Variants in SUZ12 observed in about 807,000 individuals in gnomAD.
SUZ12 encodes SUZ12 polycomb repressive complex 2 subunit.
A neutral mutation model predicts 87.3 loss-of-function variants in SUZ12; 17 were observed. The observed-to-expected ratio is 0.19, with a 90% CI of 0.13 to 0.29. The LOEUF (loss-of-function observed/expected upper bound fraction) is 0.29, where lower values mean the gene tolerates loss of function less well. SUZ12 is among the 10% of genes least tolerant of loss of function. The pLI is 1.00. For missense variants in SUZ12, 526 were observed against 912.2 expected, an observed-to-expected ratio of 0.58 and a Z score of 5.45; for synonymous variants, 253 against 312.4, an observed-to-expected ratio of 0.81 and a Z score of 2.01.
intron 8 of SUZ12, among the ~76,000 whole-genome samples, chr17:31,980,891 G>C (rs1381724240): frequency 3.3e-5 from 5 of 152,090 alleles, no homozygotes; most frequent in Non-Finnish European, 7.3e-5. Flanking sequence ...AGAGGGCTGA[G>C]TGCAGTGGCT....
chr17:31,981,149 A>G (rs77499034), intron 8 of SUZ12, among the ~76,000 whole-genome samples: 1 of 152,224 alleles, frequency 6.6e-6, no homozygotes, highest in Non-Finnish European at 1.5e-5. Flanking sequence ...AAAACAAAAA[A>G]GCCACCATAA....
chr17:31,976,476 T>A, intron 7 of SUZ12, 45 bp from the exon 8 acceptor site: 3 of 1,498,274 alleles, frequency 2.0e-6, no homozygotes, highest in Non-Finnish European at 2.8e-6. Flanking sequence ...CATAACACAT[T>A]TTTGTTCTAA....
chr17:31,950,266 C>T (rs142858976), intron 4 of SUZ12, among the ~76,000 whole-genome samples: 15,106 of 152,166 alleles, frequency 0.099, 1,034 homozygotes, highest in Middle Eastern at 0.15. Flanking sequence ...TTTCTTATTT[C>T]AAATTAAGGT....
At chr17:31,940,877 G>A (rs1232425253) in intron 3 of SUZ12, among the ~76,000 whole-genome samples, 3 of 151,850 alleles carry the variant, frequency 2.0e-5, no homozygotes, top group Non-Finnish European at 2.9e-5. Context: ...GGGCGTGGTG[G>A]TGTGTGCCTG....
intron 4 of SUZ12, among the ~76,000 whole-genome samples, chr17:31,952,570 G>C (rs1007171535): frequency 6.6e-6 from 1 of 151,890 alleles, no homozygotes; most frequent in African/African-American, 2.4e-5. Flanking sequence ...TTTTTTTGTT[G>C]CTGTTTTTTT....
At chr17:31,997,293 G>A (rs981186161) in intron 15 of SUZ12, among the ~76,000 whole-genome samples, 2 of 152,050 alleles carry the variant, frequency 1.3e-5, no homozygotes, top group African/African-American at 2.4e-5. Context: ...GAAATCACTG[G>A]TGCCCATCCT....
At chr17:31,980,053 G>C (rs1909006767) in intron 8 of SUZ12, among the ~76,000 whole-genome samples, 1 of 151,856 alleles carries the variant, frequency 6.6e-6, no homozygotes, top group African/African-American at 2.4e-5. Context: ...GGCAGGCATG[G>C]TGACTGATAC....
intron 3 of SUZ12, among the ~76,000 whole-genome samples, chr17:31,944,491 C>T (rs188196004): frequency 6.6e-5 from 10 of 152,130 alleles, no homozygotes; most frequent in Admixed American, 2.6e-4. Context: ...TGTCCCATTG[C>T]AGGATATGTT....
chr17:31,959,194 T>C (rs1037710449), intron 4 of SUZ12, among the ~76,000 whole-genome samples: 2 of 152,232 alleles, frequency 1.3e-5, no homozygotes, highest in African/African-American at 4.8e-5. Context: ...TTTGTTCTTT[T>C]TTCAGAACCT....
At chr17:31,975,336 T>C in intron 6 of SUZ12, 146 bp from the exon 7 acceptor site, 2 of 556,154 alleles carry the variant, frequency 3.6e-6, no homozygotes, top group Non-Finnish European at 6.1e-6. Context: ...CTTCACAGTT[T>C]GCAGAACTAT....
chr17:31,952,919 TA>T (rs1454508153), intron 4 of SUZ12, among the ~76,000 whole-genome samples: 2 of 152,172 alleles, frequency 1.3e-5, no homozygotes, highest in Non-Finnish European at 2.9e-5. Context: ...CTCCATGGAC[TA>T]AAATGCATCA....
intron 3 of SUZ12, among the ~76,000 whole-genome samples, chr17:31,947,240 C>T (rs1906689420): frequency 6.6e-6 from 1 of 151,836 alleles, no homozygotes; most frequent in Non-Finnish European, 1.5e-5. Context: ...GCAATTACTG[C>T]CCTTCAGGAA....
chr17:31,943,779 C>A (rs1906450097), intron 3 of SUZ12, among the ~76,000 whole-genome samples: 1 of 152,010 alleles, frequency 6.6e-6, no homozygotes, highest in African/African-American at 2.4e-5. Context: ...CGGCTCACTG[C>A]AGTCTTCGCC....
chr17:31,949,880 A>G (rs1906859307), intron 4 of SUZ12, among the ~76,000 whole-genome samples: 1 of 151,742 alleles, frequency 6.6e-6, no homozygotes, highest in African/African-American at 2.4e-5. Context: ...ACAGAGTTTC[A>G]CCATGTTGGC....
At chr17:31,942,390 CAATGGCGCA>C (rs571614318) in intron 3 of SUZ12, among the ~76,000 whole-genome samples, 94 of 151,536 alleles carry the variant, frequency 6.2e-4, no homozygotes, top group African/African-American at 2.2e-3. Flanking sequence ...GGCTGGAGTG[CAATGGCGCA>C]ATCTTGGCTC....
In SUZ12 at chr17:31,998,985, C is replaced by A; in HGVS notation, c.2202C>A (p.Ser734Arg). The A allele has an allele frequency of 6.5e-7, 1 of 1,546,344 alleles. No individual in the cohort carries two copies. The highest frequency in any genetic ancestry group is 8.7e-7 in the Non-Finnish European group (1 of 1,153,276). The change falls in exon 16 of 16, where the codon AGC becomes AGA. Residue 734 changes from serine to arginine, a missense_variant. Physicochemically the swap from Ser to Arg is moderately radical, Grantham distance 110 (BLOSUM62 -1). This residue lies in a region of SUZ12 where 56 missense variants were observed against 56.6 expected (regional missense o/e 0.99). Coordinates refer to ENST00000322652, the MANE Select transcript of SUZ12 (RefSeq NM_015355.4). The part of the protein sequence containing the change: ...TDSVSGVSKQ[S>R]KKQKL ...GTGTCTCAGGGGTTTCAAAACAGAG[C>A]AAAAAACAAAAACTCTGAAAAGCTC...
At chr17:31,994,861 C>A in intron 13 of SUZ12, 140 bp downstream of exon 13, 1 of 831,232 alleles carries the variant, frequency 1.2e-6, no homozygotes, top group African/African-American at 1.7e-5. Flanking sequence ...GGGTTGTTAA[C>A]TACTTTATAA....
intron 14 of SUZ12, 89 bp downstream of exon 14, chr17:31,995,851 G>C: frequency 1.1e-6 from 1 of 942,758 alleles, no homozygotes; most frequent in East Asian, 2.8e-5. Context: ...TTATTGTAAA[G>C]GAACTTTTTT....
chr17:31,948,345 T>G (rs551612677), intron 4 of SUZ12, among the ~76,000 whole-genome samples: 3 of 152,288 alleles, frequency 2.0e-5, no homozygotes, highest in African/African-American at 7.2e-5. Context: ...TTTTTTGATA[T>G]TTTTGATAGA....
Sources: allele counts gnomAD v4.1 joint callset (sites outside exome capture counted in the v4.1 genomes callset), GRCh38; gene constraint gnomAD v4.1.1; regional missense constraint gnomAD v4.1.1; transcripts MANE v1.5; gene names NCBI Gene and HGNC (gene_info 2026-07-23, HGNC 2026-07-21).